Variants in PCDHA4 observed in about 807,000 individuals in gnomAD.
PCDHA4 encodes protocadherin alpha 4.
PCDHA4 carries 49 observed loss-of-function variants against 61.4 expected under a neutral mutation model. The ratio of observed to expected loss-of-function variants is 0.80; its 90% confidence interval spans 0.63 to 1.01. The LOEUF (loss-of-function observed/expected upper bound fraction) is 1.01. Ranked by LOEUF, PCDHA4 falls within the 50% of genes least tolerant of loss-of-function variation. The pLI is 0.00. For missense variants in PCDHA4, 1,254 were observed against 1,235.8 expected (o/e 1.01, Z -0.22); for synonymous variants, 590 against 550.3 (o/e 1.07, Z -1.01).
rs1288901774 is a variant in PCDHA4 at position 140,809,507 on chromosome 5, C to T, written c.2320C>T (p.Pro774Ser). 2 of 1,614,192 alleles carry T rather than the reference C, an allele frequency of 1.2e-6. No individual in the cohort carries two copies. The highest frequency in any genetic ancestry group is 1.7e-6 in the Non-Finnish European group (2 of 1,180,026). ...PPKTDLMAFSPSLPDSRDRED... is the reference protein window; with the variant it reads ...PPKTDLMAFSSSLPDSRDRED... ...CAAGACCGACCTCATGGCCTTCAGC[C>T]CCAGTTTACCTGACTCTAGGGACAG... The change falls in exon 1 of 4, where the codon CCC becomes TCC. Residue 774 changes from proline to serine, a missense_variant. By Grantham distance (74) the Pro-to-Ser change is moderately conservative. Coordinates refer to ENST00000530339, the MANE Select transcript of PCDHA4 (RefSeq NM_018907.4).
intron 1 of PCDHA4, among the ~76,000 whole-genome samples, chr5:140,964,816 T>A (rs79964853): frequency 0.016 from 2,494 of 151,960 alleles, 68 homozygotes; most frequent in African/African-American, 0.056. Context: ...CAGGAATAGA[T>A]TTTGATGAAA....
chr5:141,000,371 CT>C (rs2153963893), intron 3 of PCDHA4, among the ~76,000 whole-genome samples: 1 of 49,262 alleles, frequency 2.0e-5, no homozygotes, highest in East Asian at 6.6e-4. Context: ...GTCTCTCTCT[CT>C]CTCTCTCTCT....
At chr5:140,872,804 A>G (rs918819226) in intron 1 of PCDHA4, among the ~76,000 whole-genome samples, 1 of 152,170 alleles carries the variant, frequency 6.6e-6, no homozygotes, top group Admixed American at 6.5e-5. Flanking sequence ...ATTCTTCCAT[A>G]AGTTTTTCAG....
At chr5:140,917,259 T>C (rs1246984274) in intron 1 of PCDHA4, among the ~76,000 whole-genome samples, 2 of 151,338 alleles carry the variant, frequency 1.3e-5, no homozygotes, top group East Asian at 3.9e-4. Flanking sequence ...GCTCACCTGA[T>C]GTTTGGTTTT....
At chr5:140,813,468 T>C (rs1480413491) in intron 1 of PCDHA4, 3 of 152,214 alleles carry the variant, frequency 2.0e-5, no homozygotes, top group Admixed American at 1.3e-4. Flanking sequence ...AGTATTTGTA[T>C]ACCTAAATAT....
Position 140,923,348 on chromosome 5 carries a change from G to A in PCDHA4, c.2386-55601G>A, listed in dbSNP as rs376610944. Among the ~76,000 whole-genome samples the A allele has an allele frequency of 2.6e-3, 395 of 152,192 alleles. 2 individuals are homozygous for A. Among genetic ancestry groups the A allele is most frequent in the African/African-American group, 9.2e-3 (384 of 41,538 alleles). ...CAAGGACAGTTTGGGCAACATAGTG[G>A]GACCCTATCTTTATAAAATATTTTT... is the stretch of plus-strand genomic sequence containing the variant. On this transcript the variant is annotated intron_variant, in intron 1 of 3. Coordinates refer to ENST00000530339, the MANE Select transcript of PCDHA4 (RefSeq NM_018907.4).
intron 1 of PCDHA4, among the ~76,000 whole-genome samples, chr5:140,952,804 C>T (rs191550367): frequency 2.6e-5 from 4 of 152,282 alleles, no homozygotes; most frequent in Non-Finnish European, 5.9e-5. Flanking sequence ...GCTCGCAGTT[C>T]TGCAGGCTGT....
intron 1 of PCDHA4, chr5:140,968,901 T>A (rs1321022294): frequency 6.2e-7 from 1 of 1,614,106 alleles, no homozygotes; most frequent in Non-Finnish European, 8.5e-7. Flanking sequence ...ATAATAGCAT[T>A]AAGCACAGTG....
intron 1 of PCDHA4, chr5:140,843,320 G>A (rs782364875): frequency 6.3e-7 from 1 of 1,596,056 alleles, no homozygotes; most frequent in Non-Finnish European, 8.6e-7. Context: ...CACGGTTCTG[G>A]TGTCGCTGGT....
In PCDHA4 at chr5:140,857,236, G is replaced by C; in HGVS notation, c.2385+47664G>C. On this transcript the variant is annotated intron_variant, in intron 1 of 3. Transcript: ENST00000530339. ...TGACGCCTCACGTTCCGTTCAAGCTGGTGTCCACCTACAAGAATTACTACT... is the reference window on the plus strand; with the variant it reads ...TGACGCCTCACGTTCCGTTCAAGCTCGTGTCCACCTACAAGAATTACTACT... 6.9e-6 allele frequency: 11 copies of C among 1,598,556 alleles called. 1 individual carries two copies. Among genetic ancestry groups the C allele is most frequent in the Non-Finnish European group, 8.6e-6 (10 of 1,167,952 alleles).
chr5:140,928,563 T>C lies in PCDHA4; in HGVS notation c.2386-50386T>C, dbSNP rs138980511. 9.3e-4 allele frequency: 1,498 copies of C among 1,614,116 alleles called. 1 individual carries two copies. Among genetic ancestry groups the C allele is most frequent in the Non-Finnish European group, 1.2e-3 (1,397 of 1,180,050 alleles). On this transcript the variant is annotated intron_variant, in intron 1 of 3. Coordinates refer to ENST00000530339, the MANE Select transcript of PCDHA4 (RefSeq NM_018907.4). ...ATGACAATTATCCGGTTATCTTGTT[T>C]CCCTTGCCCAGAAATGGTTCTGTCC...
At chr5:140,810,766 C>CT (rs1238310799) in intron 1 of PCDHA4, 4 of 151,908 alleles carry the variant, frequency 2.6e-5, no homozygotes, top group East Asian at 1.9e-4. Context: ...AACATAACTC[C>CT]TTTTTTTAGT....
chr5:140,970,814 C>T (rs1175939096), intron 1 of PCDHA4, among the ~76,000 whole-genome samples: 1 of 152,068 alleles, frequency 6.6e-6, no homozygotes, highest in Non-Finnish European at 1.5e-5. Flanking sequence ...ATTTCAAGTT[C>T]ATGGTAATCT....
chr5:140,859,378 T>G lies in PCDHA4; in HGVS notation c.2385+49806T>G. The G allele has an allele frequency of 7.4e-6, 2 of 268,578 alleles. 1 individual carries two copies. Among genetic ancestry groups the G allele is most frequent in the Non-Finnish European group, 1.3e-5 (2 of 148,378 alleles). The allele number at this position is 268,578 out of a possible 1,614,324, so 16.6% of individuals were successfully genotyped here. A position where few individuals can be genotyped will look rare whatever the true frequency, so the allele number is the denominator to read the frequency against. On this transcript the variant is annotated intron_variant, in intron 1 of 3. Transcript: ENST00000530339. ...CTGATATATTGTATAGTTTAATAGCTTCTCTAGTCATCTTAAACAGGGTTG... is the reference window on the plus strand; with the variant it reads ...CTGATATATTGTATAGTTTAATAGCGTCTCTAGTCATCTTAAACAGGGTTG...
intron 1 of PCDHA4, chr5:140,828,616 C>T (rs782081687): frequency 6.2e-7 from 1 of 1,614,024 alleles, no homozygotes; most frequent in Non-Finnish European, 8.5e-7. Context: ...TCAGTTCTAG[C>T]GAATACTTCG....
intron 1 of PCDHA4, chr5:140,856,494 C>A: frequency 6.3e-7 from 1 of 1,598,382 alleles, no homozygotes; most frequent in Non-Finnish European, 8.6e-7. Flanking sequence ...CTGCTTGACT[C>A]TCGATTTCCA....
intron 1 of PCDHA4, among the ~76,000 whole-genome samples, chr5:140,917,553 T>C (rs1220066857): frequency 6.6e-6 from 1 of 152,258 alleles, no homozygotes; most frequent in African/African-American, 2.4e-5. Context: ...TACATTTAAC[T>C]CTTTAATCCA....
chr5:140,998,241 T>C (rs1554256206), intron 3 of PCDHA4, among the ~76,000 whole-genome samples: 1 of 152,194 alleles, frequency 6.6e-6, no homozygotes, highest in African/African-American at 2.4e-5. Context: ...TGCATTATTA[T>C]ACTCATTTTA....
intron 1 of PCDHA4, chr5:140,823,748 T>A (rs2150128798): frequency 1.9e-6 from 3 of 1,613,836 alleles, no homozygotes. Context: ...GAGCCCCCGC[T>A]GACAGCCACA....
Sources: gnomAD v4.1 joint callset for allele counts (sites outside exome capture counted in the v4.1 genomes callset) on GRCh38, gnomAD v4.1.1 for gene constraint, MANE v1.5 for transcripts, NCBI Gene and HGNC (gene_info 2026-07-23, HGNC 2026-07-21) for gene names.